The following FAP variants were observed in gnomAD, a reference collection of about 807,000 sequenced individuals.
The protein encoded by FAP is prolyl endopeptidase FAP.
In FAP, 110 loss-of-function variants were observed where a neutral mutation model predicts 126.5. That is an observed-to-expected ratio of 0.87 (90% CI 0.74 to 1.02). FAP has a LOEUF of 1.02. FAP is among the 50% of genes least tolerant of loss of function. The pLI, the probability that FAP is intolerant of heterozygous loss-of-function variation, is 0.00. For missense variants in FAP, 919 were observed against 909.2 expected, an observed-to-expected ratio of 1.01 and a Z score of -0.14; for synonymous variants, 334 against 297.3, an observed-to-expected ratio of 1.12 and a Z score of -1.27.
Position 162,197,806 on chromosome 2 carries a change from G to T in FAP, c.1402+951C>A, listed in dbSNP as rs990011589. ...TTTAAGCCACATACCCCTACCAGGG[G>T]AGCTGATACCAAAACAGGAGGGTAG... On this transcript the variant is annotated intron_variant, in intron 16 of 25. Transcript: ENST00000188790. The T allele has an allele frequency of 1.7e-5, 6 of 351,422 alleles. No individual in the cohort carries two copies. The East Asian group carries it at 3.8e-4, about 22-fold the overall frequency. 21.8% of individuals were successfully genotyped at this position (351,422 alleles called of 1,614,324 possible).
chr2:162,199,544 A>T (rs1478433498), intron 15 of FAP, among the ~76,000 whole-genome samples: 2 of 152,116 alleles, frequency 1.3e-5, no homozygotes. Context: ...GCTTCAATAC[A>T]CAGACTCAGG....
intron 12 of FAP, 159 bp downstream of exon 12, chr2:162,209,793 C>A: frequency 1.7e-6 from 1 of 593,256 alleles, no homozygotes; most frequent in Non-Finnish European, 2.9e-6. Flanking sequence ...TTGTCCGGCA[C>A]AAAATCACTC....
rs185429303 is a variant in FAP, at chr2:162,200,678, G to T, written c.1224-59C>A. 12 of 765,278 alleles carry T rather than the reference G, an allele frequency of 1.6e-5. No homozygotes were observed. In the Admixed American group the frequency reaches 3.0e-4, roughly 19 times the overall value. The allele number at this position is 765,278 out of a possible 1,614,324, so 47.4% of individuals were successfully genotyped here. On this transcript the variant is annotated intron_variant, in intron 14 of 25. Transcript: ENST00000188790. ...TAAATAAGTGATAATAGGATTGTTA[G>T]TATTAATACTAATATAGTATCAATA...
intron 7 of FAP, 111 bp from the exon 8 acceptor site, chr2:162,219,294 A>G (rs1371183486): frequency 9.6e-7 from 1 of 1,036,514 alleles, no homozygotes; most frequent in Non-Finnish European, 1.4e-6. Flanking sequence ...GATACAAAAA[A>G]GATTCACAAC....
At chr2:162,219,280 T>A in intron 7 of FAP, 97 bp from the exon 8 acceptor site, 1 of 1,177,002 alleles carries the variant, frequency 8.5e-7, no homozygotes, top group African/African-American at 1.6e-5. Flanking sequence ...AGAGTGGTAA[T>A]AAAGATACAA....
At chr2:162,193,069 T>C (rs1040598219) in intron 17 of FAP, among the ~76,000 whole-genome samples, 2 of 152,158 alleles carry the variant, frequency 1.3e-5, no homozygotes, top group Non-Finnish European at 2.9e-5. Flanking sequence ...ATTTTATAGA[T>C]AGATCCAGGA....
intron 2 of FAP, 129 bp downstream of exon 2, chr2:162,242,779 T>G (rs557348993): frequency 1.5e-6 from 1 of 677,086 alleles, no homozygotes; most frequent in Non-Finnish European, 2.6e-6. Flanking sequence ...AGCTTATATG[T>G]CTTCTTAGAA....
At chr2:162,198,911 G>A (rs771324902) in intron 15 of FAP, 30 bp from the exon 16 acceptor site, 11 of 1,602,348 alleles carry the variant, frequency 6.9e-6, no homozygotes, top group Non-Finnish European at 9.4e-6. Flanking sequence ...AAACTAAGCT[G>A]AAATTTTGAG....
rs77273458 is a variant in FAP at position 162,226,370 on chromosome 2, G to A, written c.190+153C>T. On this transcript the variant is annotated intron_variant, in intron 3 of 25. Transcript: ENST00000188790. ...TCCAGTATGAATGGTTTTGTCAAAA[G>A]CGCTTTTTTGAGCACTTGAATCATT... Among the ~76,000 whole-genome samples, 706 of 152,156 alleles carry A rather than the reference G, an allele frequency of 4.6e-3. 9 individuals carry two copies. Among genetic ancestry groups the A allele is most frequent in the African/African-American group, 0.016 (666 of 41,532 alleles).
At chr2:162,172,768 G>C in intron 25 of FAP, 43 bp downstream of exon 25, 2 of 1,314,008 alleles carry the variant, frequency 1.5e-6, no homozygotes, top group Non-Finnish European at 2.2e-6. Context: ...CTTTTAGCTT[G>C]AGGGTCTAAG....
At chr2:162,198,415 G>A (rs534993005) in intron 16 of FAP, 41 of 1,177,252 alleles carry the variant, frequency 3.5e-5, no homozygotes, top group East Asian at 1.0e-4. Flanking sequence ...CCTAGCTGAC[G>A]GGTTGCCTCT....
At chr2:162,208,873 T>G (rs76452948) in intron 12 of FAP, among the ~76,000 whole-genome samples, 46 of 151,568 alleles carry the variant, frequency 3.0e-4, no homozygotes, top group Middle Eastern at 3.4e-3. Context: ...TCTTGTTACC[T>G]CAGAGTGTAA....
chr2:162,179,810 A>ATTTTTTTTTTTTTTTTTTTTTTTT (rs1186933075), intron 21 of FAP, among the ~76,000 whole-genome samples: 2 of 107,158 alleles, frequency 1.9e-5, no homozygotes, highest in African/African-American at 6.0e-5. Flanking sequence ...ATATATATAT[A>ATTTTTTTTTTTTTTTTTTTTTTTT]TATTTTTTTT....
At chr2:162,175,191 A>T in intron 21 of FAP, 1 of 327,604 alleles carries the variant, frequency 3.1e-6, no homozygotes, top group South Asian at 5.8e-5. Context: ...TGTGCTGATC[A>T]GAACAGACCC....
intron 2 of FAP, among the ~76,000 whole-genome samples, chr2:162,228,491 T>C (rs981110197): frequency 1.3e-5 from 2 of 152,220 alleles, no homozygotes; most frequent in African/African-American, 4.8e-5. Context: ...TCCACACTTT[T>C]GATTAGGACC....
intron 6 of FAP, among the ~76,000 whole-genome samples, chr2:162,222,362 A>C (rs1023233196): frequency 1.3e-5 from 2 of 152,224 alleles, no homozygotes; most frequent in African/African-American, 4.8e-5. Context: ...GATGATATGG[A>C]TTCGGAGACA....
intron 21 of FAP, chr2:162,175,745 A>T (rs1576130771): frequency 2.0e-5 from 3 of 152,300 alleles, no homozygotes; most frequent in Admixed American, 1.3e-4. Flanking sequence ...AGAGAAAGAG[A>T]TCTCTGCCCA....
intron 21 of FAP, among the ~76,000 whole-genome samples, chr2:162,178,090 A>G (rs1367674845): frequency 6.6e-6 from 1 of 152,160 alleles, no homozygotes; most frequent in Non-Finnish European, 1.5e-5. Context: ...AGTCTAATAT[A>G]GTCTCATTAG....
At chr2:162,194,384 T>C (rs960158637) in intron 17 of FAP, among the ~76,000 whole-genome samples, 1 of 151,580 alleles carries the variant, frequency 6.6e-6, no homozygotes, top group African/African-American at 2.4e-5. Flanking sequence ...AAGATCGTAC[T>C]GAATGTGCTA....
Sources: gnomAD v4.1 joint callset for allele counts (sites outside exome capture counted in the v4.1 genomes callset) on GRCh38, gnomAD v4.1.1 for gene constraint, MANE v1.5 for transcripts, NCBI Gene and HGNC (gene_info 2026-07-23, HGNC 2026-07-21) for gene names.